The following ALPK3 variants were observed in gnomAD, a reference collection of about 807,000 sequenced individuals.
ALPK3 encodes alpha kinase 3.
Under a neutral mutation model 140.0 loss-of-function variants are expected in ALPK3, and 102 were observed. The ratio of observed to expected loss-of-function variants is 0.73; its 90% confidence interval spans 0.62 to 0.86. The LOEUF (loss-of-function observed/expected upper bound fraction) is 0.86, where lower values mean the gene tolerates loss of function less well. ALPK3 is among the 40% of genes least tolerant of loss of function. ALPK3 has a pLI of 0.00. For missense variants in ALPK3, 2,254 were observed against 2,208.2 expected (o/e 1.02, Z -0.42); for synonymous variants, 938 against 898.5 (o/e 1.04, Z -0.79).
At chr15:84,830,875 GTGTGTA>G (rs1471304942) in intron 3 of ALPK3, among the ~76,000 whole-genome samples, 1 of 151,864 alleles carries the variant, frequency 6.6e-6, no homozygotes, top group African/African-American at 2.4e-5. Context: ...TTTTGTGTGT[GTGTGTA>G]TGTGTGTGTG....
Position 84,858,226 on chromosome 15 carries a change from C to T in ALPK3, c.3488C>T (p.Ala1163Val), listed in dbSNP as rs755941827. 7.0e-5 allele frequency: 112 copies of T among 1,610,942 alleles called. No individual in the cohort carries two copies. Among genetic ancestry groups the T allele is most frequent in the Middle Eastern group, 1.6e-4 (1 of 6,084 alleles). The change falls in exon 6 of 14, where the codon GCC becomes GTC. Residue 1163 changes from alanine (A) to valine (V), a missense_variant. Physicochemically the swap from Ala to Val is moderately conservative, Grantham distance 64 (BLOSUM62 0). Coordinates refer to ENST00000258888, the MANE Select transcript of ALPK3 (RefSeq NM_020778.5). ...AATPEELALGARRKRFLPKVR... is the reference protein window; with the variant it reads ...AATPEELALGVRRKRFLPKVR... ...ACACCTGAGGAACTGGCTCTAGGGGCCCGGAGGAAGAGATTTCTCCCTAAG... is the reference window on the plus strand; with the variant it reads ...ACACCTGAGGAACTGGCTCTAGGGGTCCGGAGGAAGAGATTTCTCCCTAAG...
At chr15:84,843,339 G>A (rs1195970218) in intron 5 of ALPK3, among the ~76,000 whole-genome samples, 1 of 152,182 alleles carries the variant, frequency 6.6e-6, no homozygotes, top group South Asian at 2.1e-4. Flanking sequence ...GTGGTGGCAC[G>A]TGCCTGTAAT....
rs36007548 is a variant in ALPK3, at chr15:84,857,016, C to T, written c.2278C>T (p.Pro760Ser). ...PLNIECFVQT[P>S]EGSCFPKKPG... is the part of the protein sequence containing the mutation. ...GAATATTGAATGTTTTGTACAGACCCCAGAAGGGTCTTGTTTCCCAAAAAA... is the reference window on the plus strand; with the variant it reads ...GAATATTGAATGTTTTGTACAGACCTCAGAAGGGTCTTGTTTCCCAAAAAA... Residue 760 changes from proline (P) to serine (S), a missense_variant, in exon 6 of 14, where the codon CCA (proline) becomes TCA (serine). By Grantham distance (74) the Pro-to-Ser change is moderately conservative (BLOSUM62 -1). Transcript: ENST00000258888. The T allele has an allele frequency of 6.2e-7, 1 of 1,613,968 alleles. No individual in the cohort carries two copies. The highest frequency in any genetic ancestry group is 1.7e-5 in the Admixed American group (1 of 59,990).
chr15:84,830,822 T>C (rs1963538389), intron 3 of ALPK3, among the ~76,000 whole-genome samples: 1 of 152,122 alleles, frequency 6.6e-6, no homozygotes, highest in Admixed American at 6.5e-5. Flanking sequence ...CTCAGCCTCC[T>C]GAGTAGCTGG....
Position 84,857,549 on chromosome 15 carries a change from C to G in ALPK3, c.2811C>G (p.Ala937=), listed in dbSNP as rs35621845. 26,165 of 1,584,150 alleles carry G rather than the reference C, an allele frequency of 0.017. 252 individuals are homozygous for G. The highest frequency in any genetic ancestry group is 0.02 in the Non-Finnish European group (22,876 of 1,164,294). ...CCACCAGCAGTGAGGGGGCCTGCGC[C>G]CAGGTACCAGATGTGGAGGGGCGGA... ...TMATSSEGAC[A]QVPDVEGRTP... Residue 937 remains alanine (A), a synonymous_variant, in exon 6 of 14, where the codon GCC becomes GCG. Coordinates refer to ENST00000258888, the MANE Select transcript of ALPK3 (RefSeq NM_020778.5).
In ALPK3 at chr15:84,857,223, G is replaced by A; in HGVS notation, c.2485G>A (p.Ala829Thr). The part of the protein sequence containing the change: ...RGPQSSGPVE[A>T]KQEDSPFQCP... ...GCCACAGTCATCAGGCCCAGTCGAG[G>A]CCAAGCAGGAGGACAGCCCGTTCCA... is the stretch of plus-strand genomic sequence containing the variant. The change falls in exon 6 of 14, where the codon GCC becomes ACC. Residue 829 changes from alanine (A) to threonine (T), a missense_variant. Transcript: ENST00000258888. 2 of 1,614,036 alleles carry A rather than the reference G, an allele frequency of 1.2e-6. No individual in the cohort carries two copies. Among genetic ancestry groups the A allele is most frequent in the South Asian group, 2.2e-5 (2 of 91,078 alleles).
intron 5 of ALPK3, among the ~76,000 whole-genome samples, chr15:84,849,353 A>G (rs775112935): frequency 1.3e-5 from 2 of 152,224 alleles, no homozygotes; most frequent in Non-Finnish European, 2.9e-5. Flanking sequence ...AGTAATCAAT[A>G]GAACTAGTAG....
Position 84,869,963 on chromosome 15 carries a change from G to C in ALPK3, c.*1507G>C. The C allele has an allele frequency of 6.6e-6, 1 of 152,188 alleles. No homozygotes were observed. The highest frequency in any genetic ancestry group is 1.5e-5 in the Non-Finnish European group (1 of 68,026). 9.4% of individuals were successfully genotyped at this position (152,188 alleles called of 1,614,324 possible). A position where few individuals can be genotyped will look rare whatever the true frequency, so the allele number is the denominator to read the frequency against. ...GCTGCTGGTGTGTACCCCTTAGCAG[G>C]GTGTCTGGGGACTTACGCCTTTGGA... On this transcript the variant is annotated 3_prime_UTR_variant, in exon 14 of 14. Coordinates refer to ENST00000258888, the MANE Select transcript of ALPK3 (RefSeq NM_020778.5).
rs746153270 is a variant in ALPK3, at chr15:84,840,059, C to G, written c.780C>G (p.His260Gln). Residue 260 changes from histidine to glutamine, a missense_variant, in exon 5 of 14, where the codon CAC (histidine) becomes CAG (glutamine). His to Gln is a conservative substitution (Grantham distance 24). This residue lies in a region of ALPK3 where 2,088 missense variants were observed against 2,022.9 expected (regional missense o/e 1.03). Transcript: ENST00000258888. ...AGGGAGAGACTGAGACTGCTCAGCA[C>G]TCAGGTTTGGGCCTGATCAACAGTT... The part of the protein sequence containing the change: ...WQEGETETAQ[H>Q]SGLGLINSFA... The G allele has an allele frequency of 6.2e-7, 1 of 1,614,152 alleles. No homozygotes were observed. Among genetic ancestry groups the G allele is most frequent in the Non-Finnish European group, 8.5e-7 (1 of 1,180,016 alleles).
chr15:84,826,974 C>A (rs901979609), intron 2 of ALPK3, among the ~76,000 whole-genome samples: 1 of 152,152 alleles, frequency 6.6e-6, no homozygotes, highest in Admixed American at 6.5e-5. Flanking sequence ...AATGTAGGAG[C>A]TTTTTTTCTG....
chr15:84,860,086 CT>C lies in ALPK3; in HGVS notation c.4129+15del, dbSNP rs1293585235. 6.2e-7 allele frequency: 1 copy of C among 1,613,898 alleles called. No individual in the cohort carries two copies. Among genetic ancestry groups the C allele is most frequent in the Non-Finnish European group, 8.5e-7 (1 of 1,179,946 alleles). On this transcript the variant is annotated intron_variant, in intron 9 of 13. Transcript: ENST00000258888. ...AAGAAGGTGAAGGTATGGTTCCCCC[CT>C]GGGGAAGGCGGGGTGGTCCTACCCC...
At chr15:84,854,518 C>A (rs745649097) in intron 5 of ALPK3, among the ~76,000 whole-genome samples, 3 of 152,132 alleles carry the variant, frequency 2.0e-5, no homozygotes, top group Non-Finnish European at 2.9e-5. Context: ...AACTCCTGAC[C>A]TCAGATGATC....
chr15:84,841,923 G>A (rs1963671422), intron 5 of ALPK3, among the ~76,000 whole-genome samples: 1 of 152,214 alleles, frequency 6.6e-6, no homozygotes, highest in Admixed American at 6.5e-5. Flanking sequence ...TTCAAGAGTG[G>A]GGCTGGGGTG....
intron 2 of ALPK3, among the ~76,000 whole-genome samples, chr15:84,825,536 T>A (rs777759041): frequency 2.6e-5 from 4 of 152,200 alleles, no homozygotes; most frequent in Non-Finnish European, 5.9e-5. Context: ...ATAGTTTCCC[T>A]GTTGTCTCAC....
At position 84,868,119 on chromosome 15, in the gene ALPK3, G is replaced by A. The variant is rs200262921; in HGVS notation, c.4781G>A (p.Gly1594Asp). ...TTCCTGTCTGGCTGCAGATACCAGG[G>A]CCTCAAGGAAAGCTGCTTCCCTGCC... ...QIATKLRGYQ[G>D]LKESCFPALL... Residue 1594 changes from glycine (G) to aspartate (D), a missense_variant, in exon 14 of 14, where the codon GGC (glycine) becomes GAC (aspartate). Around this residue, in one of 3 missense-constraint regions of ALPK3, gnomAD observed 158 missense variants for 159.8 expected, o/e 0.99. Transcript: ENST00000258888. 2.0e-5 allele frequency: 32 copies of A among 1,609,676 alleles called. No homozygotes were observed. The East Asian group carries it at 6.9e-4, about 35-fold the overall frequency.
In ALPK3 at chr15:84,856,968, A is replaced by G. The variant is rs754504711; in HGVS notation, c.2230A>G (p.Thr744Ala). The G allele has an allele frequency of 4.3e-6, 7 of 1,614,014 alleles. No homozygotes were observed. In the African/African-American group the frequency reaches 9.3e-5, roughly 22 times the overall value. Reference sequence around the variant, plus strand: ...ATCCAGAACCCCCAAACTCCCACCTACAGCGGGTCCTAGAGCTCCTCTGAA... The same window carrying G: ...ATCCAGAACCCCCAAACTCCCACCTGCAGCGGGTCCTAGAGCTCCTCTGAA... Reference protein sequence around the residue: ...PPSRTPKLPPTAGPRAPLNIE... With the variant: ...PPSRTPKLPPAAGPRAPLNIE... Residue 744 changes from threonine to alanine, a missense_variant, in exon 6 of 14, where the codon ACA becomes GCA. By Grantham distance (58) the Thr-to-Ala change is moderately conservative. This residue lies in a region of ALPK3 where 2,088 missense variants were observed against 2,022.9 expected (regional missense o/e 1.03). Coordinates refer to ENST00000258888, the MANE Select transcript of ALPK3 (RefSeq NM_020778.5).
chr15:84,847,840 C>T (rs1291473834), intron 5 of ALPK3, among the ~76,000 whole-genome samples: 2 of 152,104 alleles, frequency 1.3e-5, no homozygotes, highest in African/African-American at 4.8e-5. Flanking sequence ...AGGTGGATCA[C>T]CTGAGGTCAT....
chr15:84,865,189 A>G (rs1034467370), intron 12 of ALPK3, among the ~76,000 whole-genome samples: 14 of 152,114 alleles, frequency 9.2e-5, no homozygotes, highest in African/African-American at 3.4e-4. Context: ...GAACTCCCCA[A>G]CAAAGGAAGG....
At position 84,850,879 on chromosome 15, in the gene ALPK3, T is replaced by TACACACACACACACAC. The variant is rs4040516; in HGVS notation, c.1654-5492_1654-5477dup. ...TCATATCTTTACACAGTTCCAGATA[T>TACACACACACACACAC]ACACACACACACACACACACACACA... On this transcript the variant is annotated intron_variant, in intron 5 of 13. Transcript: ENST00000258888. 3.9e-4 allele frequency among the ~76,000 whole-genome samples: 55 copies of TACACACACACACACAC among 142,472 alleles called. No homozygotes were observed. In the East Asian group the frequency reaches 5.3e-3, roughly 14 times the overall value. The allele number at this position is 142,472 out of a possible 152,430, so 93.5% of individuals were successfully genotyped here.
Sources: allele counts gnomAD v4.1 joint callset (sites outside exome capture counted in the v4.1 genomes callset), GRCh38; gene constraint gnomAD v4.1.1; regional missense constraint gnomAD v4.1.1; transcripts MANE v1.5; gene names NCBI Gene and HGNC (gene_info 2026-07-23, HGNC 2026-07-21).